The following LGSN variants were observed in gnomAD, a reference collection of about 807,000 sequenced individuals.
LGSN encodes lengsin.
In LGSN, 21 loss-of-function variants were observed where a neutral mutation model predicts 19.5. The observed-to-expected ratio is 1.07, with a 90% CI of 0.76 to 1.55. The LOEUF is 1.55. LGSN is among the 40% of genes most tolerant of loss of function. The probability of loss-of-function intolerance (pLI) is 0.00; values close to 1 mark genes in which losing one functional copy is unlikely to be tolerated. For synonymous variants in LGSN, 257 were observed against 215.6 expected, an observed-to-expected ratio of 1.19 and a Z score of -1.68; for missense variants, 673 against 608.5, an observed-to-expected ratio of 1.11 and a Z score of -1.12.
chr6:63,445,267 C>T, the LGSN span, among the ~76,000 whole-genome samples: 1 of 151,676 alleles, frequency 6.6e-6, no homozygotes, highest in Non-Finnish European at 1.5e-5. Context: ...GCAGAGATCG[C>T]GTCATTGCAC....
At chr6:63,491,637 G>T in the LGSN span, among the ~76,000 whole-genome samples, 5 of 152,198 alleles carry the variant, frequency 3.3e-5, no homozygotes, top group Non-Finnish European at 5.9e-5. Flanking sequence ...CCTGGGTATG[G>T]TACAGGGATG....
chr6:63,321,091 A>C (rs911318875), upstream of LGSN, among the ~76,000 whole-genome samples: 5 of 152,168 alleles, frequency 3.3e-5, no homozygotes, highest in African/African-American at 1.2e-4. Flanking sequence ...GAACCTCCCC[A>C]AGAAAAGGGA....
the LGSN span, among the ~76,000 whole-genome samples, chr6:63,561,095 G>T: frequency 2.4e-4 from 36 of 152,258 alleles, 1 homozygote; most frequent in African/African-American, 6.0e-4. Context: ...GTTTAGCAAA[G>T]AACCAGAGCA....
the LGSN span, among the ~76,000 whole-genome samples, chr6:63,545,076 A>G: frequency 1.3e-5 from 2 of 152,220 alleles, no homozygotes; most frequent in Non-Finnish European, 2.9e-5. Context: ...ACCAATTGGC[A>G]TTCTACTGTA....
chr6:63,304,672 A>C (rs542626247), intron 1 of LGSN, among the ~76,000 whole-genome samples: 1 of 152,208 alleles, frequency 6.6e-6, no homozygotes, highest in Non-Finnish European at 1.5e-5. Context: ...GCATACTCCA[A>C]ATTCTTGGTA....
chr6:63,300,041 G>A (rs1445406067), intron 1 of LGSN, among the ~76,000 whole-genome samples: 3 of 152,114 alleles, frequency 2.0e-5, no homozygotes, highest in African/African-American at 4.8e-5. Flanking sequence ...TGAATTCTGA[G>A]GCCTGGAGAG....
At chr6:63,472,866 A>T in the LGSN span, among the ~76,000 whole-genome samples, 1 of 152,074 alleles carries the variant, frequency 6.6e-6, no homozygotes, top group Non-Finnish European at 1.5e-5. Context: ...GCATGAACCC[A>T]GGAGGCGGAG....
At chr6:63,488,657 A>G in the LGSN span, among the ~76,000 whole-genome samples, 1 of 152,134 alleles carries the variant, frequency 6.6e-6, no homozygotes, top group Admixed American at 6.6e-5. Flanking sequence ...CTGCAATTAA[A>G]AAAAGCAACT....
the LGSN span, among the ~76,000 whole-genome samples, chr6:63,383,506 T>C: frequency 1.3e-5 from 2 of 151,972 alleles, no homozygotes; most frequent in Non-Finnish European, 2.9e-5. Context: ...GATAAACCTT[T>C]TGAACAGGGC....
At chr6:63,536,424 CA>C in the LGSN span, among the ~76,000 whole-genome samples, 3 of 152,226 alleles carry the variant, frequency 2.0e-5, no homozygotes, top group East Asian at 3.9e-4. Flanking sequence ...ATTTGAAAAC[CA>C]ATCACAAAAG....
intron 1 of LGSN, among the ~76,000 whole-genome samples, chr6:63,296,802 C>T (rs1020422211): frequency 6.6e-6 from 1 of 151,966 alleles, no homozygotes; most frequent in African/African-American, 2.4e-5. Context: ...CACCATTTTA[C>T]AAATAAGAAA....
intron 2 of LGSN, among the ~76,000 whole-genome samples, chr6:63,288,230 A>AAAATAATAAAT (rs1767619519): frequency 7.2e-6 from 1 of 138,490 alleles, no homozygotes; most frequent in African/African-American, 2.6e-5. Context: ...CCATCTCAAA[A>AAAATAATAAAT]AAATAAATAA....
chr6:63,291,091 G>A (rs933750349), intron 2 of LGSN, among the ~76,000 whole-genome samples: 1 of 152,174 alleles, frequency 6.6e-6, no homozygotes, highest in African/African-American at 2.4e-5. Context: ...CGCGGAGCAT[G>A]CAACAGGGAC....
the LGSN span, among the ~76,000 whole-genome samples, chr6:63,474,979 T>A: frequency 6.6e-6 from 1 of 152,076 alleles, no homozygotes. Context: ...TATTTCTTTG[T>A]GGAAATAATA....
chr6:63,468,506 C>A, the LGSN span, among the ~76,000 whole-genome samples: 1 of 152,168 alleles, frequency 6.6e-6, no homozygotes, highest in African/African-American at 2.4e-5. Context: ...CAGTTCACTG[C>A]AGCCTCTGCC....
the LGSN span, among the ~76,000 whole-genome samples, chr6:63,405,492 G>C: frequency 6.6e-6 from 1 of 152,100 alleles, no homozygotes; most frequent in African/African-American, 2.4e-5. Flanking sequence ...TTTAATGATT[G>C]CCATTCTAAC....
the LGSN span, among the ~76,000 whole-genome samples, chr6:63,557,202 C>G: frequency 1.3e-5 from 2 of 152,024 alleles, no homozygotes; most frequent in Admixed American, 6.6e-5. Flanking sequence ...GAGGTATTTG[C>G]AAGGTACAAT....
At chr6:63,312,524 A>G (rs1192467480) in intron 1 of LGSN, among the ~76,000 whole-genome samples, 3 of 152,220 alleles carry the variant, frequency 2.0e-5, no homozygotes, top group South Asian at 2.1e-4. Flanking sequence ...CAGTATCATT[A>G]AAGTAGAGCT....
upstream of LGSN, among the ~76,000 whole-genome samples, chr6:63,320,175 C>G (rs1002334166): frequency 1.3e-5 from 2 of 152,132 alleles, no homozygotes; most frequent in Admixed American, 1.3e-4. Flanking sequence ...TGCTTGTTTA[C>G]GCCTGACTCC....
Sources: gnomAD v4.1 joint callset for allele counts (sites outside exome capture counted in the v4.1 genomes callset) on GRCh38, gnomAD v4.1.1 for gene constraint, MANE v1.5 for transcripts, NCBI Gene and HGNC (gene_info 2026-07-23, HGNC 2026-07-21) for gene names.